Variants in IMPG1 observed in about 807,000 individuals in gnomAD.
IMPG1 encodes interphotoreceptor matrix proteoglycan 1.
IMPG1 carries 85 observed loss-of-function variants against 92.0 expected under a neutral mutation model. That is an observed-to-expected ratio of 0.92 (90% CI 0.78 to 1.11). The LOEUF (loss-of-function observed/expected upper bound fraction) is 1.11, where lower values mean the gene tolerates loss of function less well. Ranked by LOEUF, IMPG1 falls within the 50% of genes least tolerant of loss-of-function variation. The pLI, the probability that IMPG1 is intolerant of heterozygous loss-of-function variation, is 0.00. For synonymous variants in IMPG1, 367 were observed against 334.1 expected (o/e 1.10, Z -1.08); for missense variants, 1,022 against 956.0 (o/e 1.07, Z -0.91).
At chr6:75,994,320 T>C (rs1435768992) in intron 12 of IMPG1, among the ~76,000 whole-genome samples, 1 of 152,228 alleles carries the variant, frequency 6.6e-6, no homozygotes, top group East Asian at 1.9e-4. Context: ...AAAGAAGGTC[T>C]GAGATAGAAA....
intron 14 of IMPG1, among the ~76,000 whole-genome samples, chr6:75,935,656 C>A (rs1318798946): frequency 1.3e-5 from 2 of 152,176 alleles, no homozygotes; most frequent in African/African-American, 4.8e-5. Context: ...CAAACTTACG[C>A]ATCACAATCA....
chr6:75,947,404 C>A lies in IMPG1; in HGVS notation c.1954G>T (p.Ala652Ser). 6.2e-7 allele frequency: 1 copy of A among 1,613,908 alleles called. No individual in the cohort carries two copies. Among genetic ancestry groups the A allele is most frequent in the Non-Finnish European group, 8.5e-7 (1 of 1,179,864 alleles). ...AAATCCTCCAAGACCCCGTGCACAG[C>A]CTTGGTGAGGTTATACGGCACTGAC... ...AKSVPYNLTKAVHGVLEDFRS... is the reference protein window; with the variant it reads ...AKSVPYNLTKSVHGVLEDFRS... The change falls in exon 14 of 17, where the codon GCT becomes TCT. Residue 652 changes from alanine to serine, a missense_variant. Transcript: ENST00000369950.
At chr6:76,017,275 G>A (rs533247131) in intron 7 of IMPG1, among the ~76,000 whole-genome samples, 2 of 152,046 alleles carry the variant, frequency 1.3e-5, no homozygotes, top group Non-Finnish European at 2.9e-5. Context: ...TATCCTGCAG[G>A]GAATTGAAGA....
rs745327929 is a variant in IMPG1 at position 76,025,271 on chromosome 6, T to C, written c.498-13A>G. On this transcript the variant is annotated splice_polypyrimidine_tract_variant and intron_variant, in intron 4 of 16. Transcript: ENST00000369950. Reference sequence around the variant, plus strand: ...TATTTCATCTTTTCTATTAGTACAATAGAAAAGAAGGAAGAGGTGGTGAAA... The same window carrying C: ...TATTTCATCTTTTCTATTAGTACAACAGAAAAGAAGGAAGAGGTGGTGAAA... The C allele has an allele frequency of 1.3e-6, 2 of 1,502,878 alleles. No homozygotes were observed. The highest frequency in any genetic ancestry group is 2.3e-5 in the South Asian group (2 of 85,360). The allele number at this position is 1,502,878 out of a possible 1,614,324, so 93.1% of individuals were successfully genotyped here. A position where few individuals can be genotyped will look rare whatever the true frequency, so the allele number is the denominator to read the frequency against.
At chr6:75,970,475 A>G (rs1267656979) in intron 12 of IMPG1, among the ~76,000 whole-genome samples, 5 of 152,212 alleles carry the variant, frequency 3.3e-5, no homozygotes, top group Non-Finnish European at 5.9e-5. Context: ...CTCATATAAT[A>G]TAAAAACTAA....
chr6:76,025,817 T>A (rs960420422), intron 4 of IMPG1, among the ~76,000 whole-genome samples: 1 of 152,130 alleles, frequency 6.6e-6, no homozygotes, highest in Non-Finnish European at 1.5e-5. Context: ...GGGGGTAGGT[T>A]CTCAGTGCCA....
chr6:75,924,255 A>G (rs1234282033), intron 15 of IMPG1, among the ~76,000 whole-genome samples: 1 of 147,720 alleles, frequency 6.8e-6, no homozygotes, highest in Non-Finnish European at 1.5e-5. Context: ...CTATCCAAAG[A>G]AAATGAAATC....
chr6:76,013,316 C>T (rs1408871175), intron 7 of IMPG1, among the ~76,000 whole-genome samples: 1 of 152,098 alleles, frequency 6.6e-6, no homozygotes, highest in Non-Finnish European at 1.5e-5. Flanking sequence ...ATCCCCTTGG[C>T]CAATATCTTG....
intron 7 of IMPG1, among the ~76,000 whole-genome samples, chr6:76,016,277 A>G (rs1179545349): frequency 6.6e-6 from 1 of 152,194 alleles, no homozygotes; most frequent in East Asian, 1.9e-4. Context: ...AAAAATCCCA[A>G]TATATTTGCA....
In IMPG1 at chr6:75,950,648, G is replaced by A. The variant is rs142123216; in HGVS notation, c.1738C>T (p.Arg580Cys). ...TTGGAGAAGGCCATGTTAGCAACAC[G>A]CAGACTGAAGAACACTACCAGCTCT... ...GRELVVFFSL[R>C]VANMAFSNDL... The change falls in exon 13 of 17, where the codon CGT becomes TGT. Residue 580 changes from arginine to cysteine, a missense_variant. Arg to Cys is a radical substitution (Grantham distance 180). This residue lies in a region of IMPG1 where 332 missense variants were observed against 346.2 expected (regional missense o/e 0.96). Transcript: ENST00000369950. 1.7e-4 allele frequency: 279 copies of A among 1,613,676 alleles called. No homozygotes were observed. Among genetic ancestry groups the A allele is most frequent in the Middle Eastern group, 1.5e-3 (9 of 6,076 alleles).
At chr6:75,976,948 G>A (rs78574736) in intron 12 of IMPG1, among the ~76,000 whole-genome samples, 1 of 151,684 alleles carries the variant, frequency 6.6e-6, no homozygotes, top group East Asian at 1.9e-4. Context: ...GTTTCAGAAT[G>A]TCATCAATTA....
At chr6:76,045,503 T>A (rs1005396607) in intron 1 of IMPG1, among the ~76,000 whole-genome samples, 2 of 150,970 alleles carry the variant, frequency 1.3e-5, no homozygotes, top group African/African-American at 2.4e-5. Context: ...TCTGTTTCTG[T>A]GACACAAAAC....
chr6:76,049,363 G>T (rs768988848), intron 1 of IMPG1, among the ~76,000 whole-genome samples: 5 of 152,088 alleles, frequency 3.3e-5, no homozygotes, highest in Non-Finnish European at 4.4e-5. Context: ...AAAAAGATTT[G>T]TCTTTCCCTC....
chr6:76,064,906 C>T (rs1380937043), intron 1 of IMPG1, among the ~76,000 whole-genome samples: 2 of 152,100 alleles, frequency 1.3e-5, no homozygotes, highest in African/African-American at 4.8e-5. Context: ...CATATTGGCA[C>T]CATAGGAGAC....
intron 1 of IMPG1, among the ~76,000 whole-genome samples, chr6:76,071,776 GTGTT>G (rs1218904225): frequency 1.3e-5 from 2 of 151,990 alleles, no homozygotes; most frequent in Admixed American, 6.6e-5. Context: ...TCCAACATGT[GTGTT>G]TCTTTTTTAA....
chr6:75,924,527 T>A lies in IMPG1; in HGVS notation c.2244-821A>T, dbSNP rs1158075623. Among the ~76,000 whole-genome samples the A allele has an allele frequency of 6.4e-4, 32 of 50,364 alleles. 2 individuals carry two copies. The East Asian group carries it at 0.014, about 22-fold the overall frequency. 33.0% of individuals were successfully genotyped at this position (50,364 alleles called of 152,430 possible). ...ATAATATAATTAATATAATTATATA[T>A]TATAATATAATTATATAATATAATT... On this transcript the variant is annotated intron_variant, in intron 15 of 16. Coordinates refer to ENST00000369950, the MANE Select transcript of IMPG1 (RefSeq NM_001563.4).
chr6:76,058,079 T>A (rs1030121322), intron 1 of IMPG1, among the ~76,000 whole-genome samples: 2 of 152,284 alleles, frequency 1.3e-5, no homozygotes, highest in African/African-American at 4.8e-5. Context: ...GTCCCTAGCA[T>A]ATTTTGGACA....
Position 75,930,535 on chromosome 6 carries a change from G to A in IMPG1, c.2243+418C>T, listed in dbSNP as rs564735513. Among the ~76,000 whole-genome samples the A allele has an allele frequency of 2.0e-5, 3 of 152,134 alleles. No homozygotes were observed. In the East Asian group the frequency reaches 5.8e-4, roughly 29 times the overall value. On this transcript the variant is annotated intron_variant, in intron 15 of 16. Transcript: ENST00000369950. ...TTTCTATATTTCCCAGCTTTCTTATGATGAAAGCTATTATGTTTGCTAACA... is the reference window on the plus strand; with the variant it reads ...TTTCTATATTTCCCAGCTTTCTTATAATGAAAGCTATTATGTTTGCTAACA...
intron 13 of IMPG1, among the ~76,000 whole-genome samples, 177 bp from the exon 14 acceptor site, chr6:75,947,710 G>A (rs1027437302): frequency 1.3e-5 from 2 of 151,966 alleles, no homozygotes; most frequent in African/African-American, 4.8e-5. Flanking sequence ...TGGTTGATTT[G>A]CAGTGATTAG....
Sources: allele counts gnomAD v4.1 joint callset (sites outside exome capture counted in the v4.1 genomes callset), GRCh38; gene constraint gnomAD v4.1.1; regional missense constraint gnomAD v4.1.1; transcripts MANE v1.5; gene names NCBI Gene and HGNC (gene_info 2026-07-23, HGNC 2026-07-21).